Variants in CHMP2B observed in about 807,000 individuals in gnomAD.
CHMP2B encodes the protein VPS2 homolog B.
In CHMP2B, 22 loss-of-function variants were observed where a neutral mutation model predicts 29.8. That is an observed-to-expected ratio of 0.74 (90% confidence interval 0.53 to 1.05). The LOEUF (loss-of-function observed/expected upper bound fraction) is 1.05. Ranked by LOEUF, CHMP2B falls within the 50% of genes least tolerant of loss-of-function variation. The pLI is 0.00. For synonymous variants in CHMP2B, 78 were observed against 75.8 expected (o/e 1.03, Z -0.15); for missense variants, 261 against 252.2 (o/e 1.03, Z -0.24).
At chr3:87,251,193 C>T (rs1706308451) in intron 4 of CHMP2B, among the ~76,000 whole-genome samples, 1 of 151,606 alleles carries the variant, frequency 6.6e-6, no homozygotes, top group African/African-American at 2.4e-5. Flanking sequence ...TATTTTTATT[C>T]TTGGTTGTAA....
At position 87,231,024 on chromosome 3, in the gene CHMP2B, C is replaced by T. The variant is rs138649333; in HGVS notation, c.34+3468C>T. ...TTTTTTTTTCTTTTTCTTAAACCTA[C>T]CCATTATATGTTAGTGTTCTTCTTG... On this transcript the variant is annotated intron_variant, in intron 1 of 5. Coordinates refer to ENST00000263780, the MANE Select transcript of CHMP2B (RefSeq NM_014043.4). Among the ~76,000 whole-genome samples the T allele has an allele frequency of 8.0e-3, 1,216 of 152,016 alleles. 18 individuals are homozygous for T. Among genetic ancestry groups the T allele is most frequent in the Non-Finnish European group, 8.0e-3 (547 of 67,956 alleles).
At chr3:87,234,613 T>C (rs192794264) in intron 1 of CHMP2B, among the ~76,000 whole-genome samples, 1 of 152,336 alleles carries the variant, frequency 6.6e-6, no homozygotes, top group African/African-American at 2.4e-5. Context: ...TACCATATCA[T>C]ATCCATGTAC....
At position 87,227,510 on chromosome 3, in the gene CHMP2B, G is replaced by T; in HGVS notation, c.-13G>T. 6.2e-7 allele frequency: 1 copy of T among 1,614,152 alleles called. No individual in the cohort carries two copies. The highest frequency in any genetic ancestry group is 8.5e-7 in the Non-Finnish European group (1 of 1,180,026). ...CCGGGCCGAGCCGGGCCGCCCGGGC[G>T]CAGTCTTTAACCATGGCGTCCCTCT... On this transcript the variant is annotated 5_prime_UTR_variant, in exon 1 of 6. Coordinates refer to ENST00000263780, the MANE Select transcript of CHMP2B (RefSeq NM_014043.4).
chr3:87,234,134 A>G (rs1389611941), intron 1 of CHMP2B, among the ~76,000 whole-genome samples: 1 of 152,182 alleles, frequency 6.6e-6, no homozygotes, highest in African/African-American at 2.4e-5. Flanking sequence ...CTTGATAATT[A>G]CTTTTTGCTT....
chr3:87,248,755 G>C (rs771742755), intron 3 of CHMP2B, among the ~76,000 whole-genome samples: 6 of 152,006 alleles, frequency 3.9e-5, no homozygotes, highest in Admixed American at 2.6e-4. Flanking sequence ...AGGTGTGTTG[G>C]GGGTGGGGAG....
At chr3:87,228,200 T>C (rs1343742728) in intron 1 of CHMP2B, among the ~76,000 whole-genome samples, 1 of 152,366 alleles carries the variant, frequency 6.6e-6, no homozygotes, top group African/African-American at 2.4e-5. Flanking sequence ...ATTGTCTTCA[T>C]AGAAGTTTAA....
intron 2 of CHMP2B, among the ~76,000 whole-genome samples, chr3:87,244,045 T>G (rs548393594): frequency 1.0e-4 from 15 of 150,360 alleles, no homozygotes; most frequent in Admixed American, 6.0e-4. Flanking sequence ...TTGTTTTTTG[T>G]TTTTTGTTGT....
chr3:87,249,869 T>A lies in CHMP2B; in HGVS notation c.322-6T>A. On this transcript the variant is annotated splice_region_variant and splice_polypyrimidine_tract_variant and intron_variant, in intron 3 of 5. Transcript: ENST00000263780. ...AGTAACATGAATCTTGTAAATACAT[T>A]TAAAGACAATGCAGGCAGTTAACAA... 2 of 1,561,194 alleles carry A rather than the reference T, an allele frequency of 1.3e-6. No homozygotes were observed. The highest frequency in any genetic ancestry group is 1.8e-6 in the Non-Finnish European group (2 of 1,134,250).
chr3:87,242,165 G>T (rs942651098), intron 2 of CHMP2B, among the ~76,000 whole-genome samples: 2 of 151,974 alleles, frequency 1.3e-5, no homozygotes, highest in Non-Finnish European at 2.9e-5. Flanking sequence ...AGTTACAATA[G>T]ATTTTTATAT....
intron 1 of CHMP2B, among the ~76,000 whole-genome samples, chr3:87,237,904 T>C (rs1706043326): frequency 6.6e-6 from 1 of 152,144 alleles, no homozygotes; most frequent in South Asian, 2.1e-4. Flanking sequence ...TTATCTCTGT[T>C]AGAGATGTGC....
intron 3 of CHMP2B, among the ~76,000 whole-genome samples, chr3:87,247,938 A>G (rs1231517381): frequency 6.6e-6 from 1 of 152,186 alleles, no homozygotes; most frequent in Non-Finnish European, 1.5e-5. Flanking sequence ...AATAAAGAGT[A>G]GAATGCATCC....
At chr3:87,250,507 G>GT (rs977099652) in intron 4 of CHMP2B, among the ~76,000 whole-genome samples, 24 of 151,734 alleles carry the variant, frequency 1.6e-4, no homozygotes, top group Non-Finnish European at 3.0e-4. Context: ...TTTATTTTCT[G>GT]TTTTTTTCTC....
chr3:87,253,674 T>G (rs1216403856), intron 5 of CHMP2B, 38 bp from the exon 6 acceptor site: 1 of 1,551,434 alleles, frequency 6.4e-7, no homozygotes, highest in Non-Finnish European at 8.9e-7. Context: ...TCCAAATGTT[T>G]CCTAATGCAC....
At chr3:87,247,158 G>A (rs1706228700) in intron 3 of CHMP2B, among the ~76,000 whole-genome samples, 1 of 152,128 alleles carries the variant, frequency 6.6e-6, no homozygotes, top group South Asian at 2.1e-4. Context: ...TTGAACCATT[G>A]CTCCCAGGGG....
chr3:87,254,586 C>CTGTTAAAACAGGTGTTTTAACA lies in CHMP2B; in HGVS notation c.*775_*776insGTGTTTTAACATGTTAAAACAG, dbSNP rs1706371070. On this transcript the variant is annotated 3_prime_UTR_variant, in exon 6 of 6. Transcript: ENST00000263780. ...ATGTACTCTTATTTTAGACACGCCT[C>CTGTTAAAACAGGTGTTTTAACA]TGTTAAAACAGACCAGGTTTTCCTG... The CTGTTAAAACAGGTGTTTTAACA allele has an allele frequency of 6.6e-6, 1 of 152,000 alleles. No homozygotes were observed. Among genetic ancestry groups the CTGTTAAAACAGGTGTTTTAACA allele is most frequent in the Non-Finnish European group, 1.5e-5 (1 of 67,900 alleles). 9.4% of individuals were successfully genotyped at this position (152,000 alleles called of 1,614,324 possible). A position where few individuals can be genotyped will look rare whatever the true frequency, so the allele number is the denominator to read the frequency against.
chr3:87,254,884 C>A lies in CHMP2B; in HGVS notation c.*1062C>A, dbSNP rs1319192621. 6.6e-6 allele frequency: 1 copy of A among 151,908 alleles called. No homozygotes were observed. Among genetic ancestry groups the A allele is most frequent in the Non-Finnish European group, 1.5e-5 (1 of 67,890 alleles). The allele number at this position is 151,908 out of a possible 1,614,324, so 9.4% of individuals were successfully genotyped here. On this transcript the variant is annotated 3_prime_UTR_variant, in exon 6 of 6. Coordinates refer to ENST00000263780, the MANE Select transcript of CHMP2B (RefSeq NM_014043.4). ...CCTACATTTCTAAAATAAAAATTCA[C>A]ATTTTTTGATAAATAAACTACAGTT...
At chr3:87,230,063 C>T (rs910880604) in intron 1 of CHMP2B, among the ~76,000 whole-genome samples, 2 of 152,080 alleles carry the variant, frequency 1.3e-5, no homozygotes, top group African/African-American at 4.8e-5. Flanking sequence ...TAAGGATATA[C>T]ATATATATAG....
chr3:87,245,387 T>G (rs146483145), intron 2 of CHMP2B, among the ~76,000 whole-genome samples: 102 of 152,202 alleles, frequency 6.7e-4, no homozygotes, highest in African/African-American at 2.4e-3. Context: ...ACTCTTTGCT[T>G]GTATGTTTTT....
chr3:87,242,362 T>C (rs957137378), intron 2 of CHMP2B, among the ~76,000 whole-genome samples: 5 of 152,258 alleles, frequency 3.3e-5, no homozygotes. Flanking sequence ...CAAACGTCAA[T>C]TAGGTCAAAT....
Sources: gnomAD v4.1 joint callset for allele counts (sites outside exome capture counted in the v4.1 genomes callset) on GRCh38, gnomAD v4.1.1 for gene constraint, MANE v1.5 for transcripts, NCBI Gene and HGNC (gene_info 2026-07-23, HGNC 2026-07-21) for gene names.